The following FLT1 variants were observed in gnomAD, a reference collection of about 807,000 sequenced individuals.
The protein encoded by FLT1 is vascular endothelial growth factor receptor 1.
In FLT1, 49 loss-of-function variants were observed where a neutral mutation model predicts 156.3. That is an observed-to-expected ratio of 0.31 (90% confidence interval 0.25 to 0.40). The LOEUF (loss-of-function observed/expected upper bound fraction) is 0.40, where lower values mean the gene tolerates loss of function less well. Among genes scored for constraint, FLT1 ranks in the 10% least tolerant of loss-of-function variants. FLT1 has a pLI of 1.00. For missense variants in FLT1, 1,322 were observed against 1,637.2 expected (o/e 0.81, Z 3.32); for synonymous variants, 594 against 583.8 (o/e 1.02, Z -0.25).
intron 4 of FLT1, among the ~76,000 whole-genome samples, chr13:28,435,509 A>G (rs1000581674): frequency 2.0e-5 from 3 of 152,226 alleles, no homozygotes; most frequent in African/African-American, 4.8e-5. Context: ...GGGGAAAAAA[A>G]TCAAATTACC....
chr13:28,332,638 T>C (rs1275669734), intron 18 of FLT1, among the ~76,000 whole-genome samples: 2 of 152,210 alleles, frequency 1.3e-5, no homozygotes, highest in Non-Finnish European at 2.9e-5. Context: ...CATTCAAAGC[T>C]GGAAGACTTT....
At chr13:28,407,602 A>AT (rs1875891962) in intron 10 of FLT1, among the ~76,000 whole-genome samples, 2 of 152,288 alleles carry the variant, frequency 1.3e-5, no homozygotes, top group African/African-American at 4.8e-5. Context: ...CCTAAACCGT[A>AT]TATCAGATTT....
rs985178625 is a variant in FLT1 at position 28,386,942 on chromosome 13, A to G, written c.1970-1911T>C. 9 of 1,044,726 alleles carry G rather than the reference A, an allele frequency of 8.6e-6. No homozygotes were observed. The African/African-American group carries it at 1.5e-4, about 17-fold the overall frequency. The allele number at this position is 1,044,726 out of a possible 1,614,324, so 64.7% of individuals were successfully genotyped here. A position where few individuals can be genotyped will look rare whatever the true frequency, so the allele number is the denominator to read the frequency against. On this transcript the variant is annotated intron_variant, in intron 13 of 29. Coordinates refer to ENST00000282397, the MANE Select transcript of FLT1 (RefSeq NM_002019.4). ...ATGATAAAATAATCTATCACTGCCC[A>G]TCGGTCTTGTAAAAAGGAAGTCTGA...
chr13:28,356,688 G>A (rs1872910637), intron 15 of FLT1, among the ~76,000 whole-genome samples: 1 of 152,162 alleles, frequency 6.6e-6, no homozygotes, highest in Admixed American at 6.5e-5. Context: ...CTTCTTCCTA[G>A]TTCCTCCCCG....
chr13:28,452,403 A>G (rs1197008102), intron 3 of FLT1, among the ~76,000 whole-genome samples: 1 of 152,204 alleles, frequency 6.6e-6, no homozygotes, highest in African/African-American at 2.4e-5. Flanking sequence ...GTATGTATTA[A>G]TAACAAGCCT....
intron 3 of FLT1, among the ~76,000 whole-genome samples, chr13:28,459,825 T>C (rs1879464683): frequency 1.3e-5 from 2 of 152,252 alleles, no homozygotes; most frequent in South Asian, 4.1e-4. Flanking sequence ...GCTTTGGCAA[T>C]CTGTTCAGCC....
At chr13:28,472,999 G>A (rs1266247467) in intron 1 of FLT1, among the ~76,000 whole-genome samples, 1 of 152,170 alleles carries the variant, frequency 6.6e-6, no homozygotes, top group Non-Finnish European at 1.5e-5. Context: ...CCCATGAAAA[G>A]ATAAAGGACA....
chr13:28,423,316 T>C (rs949243909), intron 10 of FLT1, among the ~76,000 whole-genome samples: 1 of 152,148 alleles, frequency 6.6e-6, no homozygotes, highest in Admixed American at 6.5e-5. Flanking sequence ...TACTCTTCCT[T>C]TTACTTTTGT....
At chr13:28,412,350 C>CTCTTTCTTTCTT (rs531785690) in intron 10 of FLT1, among the ~76,000 whole-genome samples, 54 of 93,806 alleles carry the variant, frequency 5.8e-4, no homozygotes, top group African/African-American at 1.9e-3. Flanking sequence ...TTCTTTCTTT[C>CTCTTTCTTTCTT]TCTTTCTTTC....
intron 20 of FLT1, among the ~76,000 whole-genome samples, chr13:28,323,385 C>G (rs1209086362): frequency 6.6e-6 from 1 of 152,168 alleles, no homozygotes; most frequent in East Asian, 1.9e-4. Context: ...GGCACAGTGG[C>G]TCACGCCTGT....
chr13:28,404,054 A>AAAG (rs1555235423), intron 11 of FLT1, among the ~76,000 whole-genome samples: 102 of 151,480 alleles, frequency 6.7e-4, no homozygotes, highest in African/African-American at 2.2e-3. Flanking sequence ...AAAAAAAAAA[A>AAAG]AAAGAAAGAA....
intron 10 of FLT1, among the ~76,000 whole-genome samples, chr13:28,412,350 C>CTTTCTTT (rs71086853): frequency 6.4e-5 from 6 of 93,708 alleles, no homozygotes; most frequent in South Asian, 4.2e-4. Context: ...TTCTTTCTTT[C>CTTTCTTT]TCTTTCTTTC....
At chr13:28,386,581 G>C (rs1874377180) in intron 13 of FLT1, 1 of 1,055,488 alleles carries the variant, frequency 9.5e-7, no homozygotes, top group Non-Finnish European at 1.1e-6. Context: ...ATCTTATCTT[G>C]CCCACTAAGC....
intron 16 of FLT1, among the ~76,000 whole-genome samples, chr13:28,343,410 C>T (rs1342046985): frequency 1.3e-5 from 2 of 152,006 alleles, no homozygotes; most frequent in Admixed American, 6.6e-5. Flanking sequence ...AACCATTCTC[C>T]TGCCTCAGTC....
chr13:28,309,891 T>TTC (rs1173085255), intron 27 of FLT1, among the ~76,000 whole-genome samples: 1 of 86,446 alleles, frequency 1.2e-5, no homozygotes, highest in African/African-American at 5.4e-5. Context: ...TTCCTTTTTT[T>TTC]TTTTTTTTTT....
At chr13:28,374,188 A>G (rs950980402) in intron 14 of FLT1, among the ~76,000 whole-genome samples, 2 of 152,088 alleles carry the variant, frequency 1.3e-5, no homozygotes, top group African/African-American at 4.8e-5. Context: ...AATTTATGTT[A>G]TGTGCATTTT....
At chr13:28,489,897 T>C (rs1881377361) in intron 1 of FLT1, among the ~76,000 whole-genome samples, 1 of 152,240 alleles carries the variant, frequency 6.6e-6, no homozygotes, top group South Asian at 2.1e-4. Flanking sequence ...ATTTTGATTC[T>C]TAGTTTAAAC....
intron 3 of FLT1, among the ~76,000 whole-genome samples, chr13:28,465,733 C>T (rs1418492218): frequency 3.3e-5 from 5 of 152,126 alleles, no homozygotes; most frequent in Non-Finnish European, 5.9e-5. Context: ...ATCCTAGCTA[C>T]GCAGGAGGCT....
chr13:28,343,897 C>T (rs577885157), intron 16 of FLT1, among the ~76,000 whole-genome samples: 1 of 152,068 alleles, frequency 6.6e-6, no homozygotes, highest in Admixed American at 6.6e-5. Flanking sequence ...CTGCCTCAGC[C>T]TCCCAAAGTG....
Sources: gnomAD v4.1 joint callset for allele counts (sites outside exome capture counted in the v4.1 genomes callset) on GRCh38, gnomAD v4.1.1 for gene constraint, MANE v1.5 for transcripts, NCBI Gene and HGNC (gene_info 2026-07-23, HGNC 2026-07-21) for gene names.